PEPD: variants seen among roughly 807,000 people sequenced by gnomAD.
The protein encoded by PEPD is peptidase D.
In PEPD, 53 loss-of-function variants were observed where a neutral mutation model predicts 60.7. The observed-to-expected ratio is 0.87, with a 90% confidence interval of 0.70 to 1.10. The LOEUF (loss-of-function observed/expected upper bound fraction) is 1.10, where lower values mean the gene tolerates loss of function less well. PEPD is among the 50% of genes least tolerant of loss of function. PEPD has a pLI of 0.00. For missense variants in PEPD, 711 were observed against 711.9 expected (o/e 1.00, Z 0.01); for synonymous variants, 267 against 284.1 (o/e 0.94, Z 0.60).
rs1240349097 is a variant in PEPD, at chr19:33,521,736, G to C, written c.17+8C>G. ...AGCGGGAAAGAGCGAGGGAGGCGCA[G>C]CACTCACCCGGTGGCCGCCGCCATG... On this transcript the variant is annotated splice_region_variant and intron_variant, in intron 1 of 14. Coordinates refer to ENST00000244137, the MANE Select transcript of PEPD (RefSeq NM_000285.4). 6.3e-7 allele frequency: 1 copy of C among 1,579,814 alleles called. No homozygotes were observed. Among genetic ancestry groups the C allele is most frequent in the South Asian group, 1.2e-5 (1 of 86,944 alleles).
intron 12 of PEPD, 87 bp from the exon 13 acceptor site, chr19:33,391,566 A>G (rs1051958697): frequency 9.6e-5 from 120 of 1,246,840 alleles, no homozygotes; most frequent in Non-Finnish European, 1.3e-4. Context: ...AAGCCCTCAC[A>G]CTGGCTGTGG....
chr19:33,397,899 A>G (rs1568449337), intron 12 of PEPD, among the ~76,000 whole-genome samples: 1 of 152,148 alleles, frequency 6.6e-6, no homozygotes, highest in African/African-American at 2.4e-5. Flanking sequence ...ACTTGCCCCG[A>G]GGTCTGGCCA....
chr19:33,520,416 A>G (rs1971109448), intron 1 of PEPD, among the ~76,000 whole-genome samples: 1 of 152,168 alleles, frequency 6.6e-6, no homozygotes, highest in Admixed American at 6.5e-5. Flanking sequence ...ACTAGCACAA[A>G]AGTCACCCAG....
intron 9 of PEPD, among the ~76,000 whole-genome samples, chr19:33,428,787 A>C (rs1428811943): frequency 6.6e-6 from 1 of 152,258 alleles, no homozygotes; most frequent in Non-Finnish European, 1.5e-5. Context: ...GGCTGGCCAC[A>C]GTGATGAGCA....
chr19:33,494,643 G>A (rs1197928110), intron 4 of PEPD, among the ~76,000 whole-genome samples: 4 of 152,192 alleles, frequency 2.6e-5, no homozygotes, highest in Admixed American at 6.5e-5. Context: ...GACAGTAAAC[G>A]TCCAGTAGGT....
At chr19:33,387,805 C>T in intron 14 of PEPD, 85 bp downstream of exon 14, 4 of 1,147,344 alleles carry the variant, frequency 3.5e-6, no homozygotes, top group Non-Finnish European at 5.1e-6. Context: ...GTCACTAGGG[C>T]CCCTGTCTTG....
chr19:33,510,744 C>G (rs894649989), intron 3 of PEPD, among the ~76,000 whole-genome samples: 1 of 152,156 alleles, frequency 6.6e-6, no homozygotes, highest in African/African-American at 2.4e-5. Flanking sequence ...TGGGGCTTTA[C>G]CAGAAAACTT....
In PEPD at chr19:33,495,176, C is replaced by T. The variant is rs149901995; in HGVS notation, c.394-1839G>A. ...TCTAATAATTAGCAATTATAAATAA[C>T]GCTGTGATGAACATCCTCGCATACA... On this transcript the variant is annotated intron_variant, in intron 4 of 14. Transcript: ENST00000244137. Among the ~76,000 whole-genome samples, 250 of 152,050 alleles carry T rather than the reference C, an allele frequency of 1.6e-3. 1 individual carries two copies. Among genetic ancestry groups the T allele is most frequent in the Non-Finnish European group, 1.5e-3 (102 of 67,992 alleles).
At chr19:33,458,556 TGTGTGTGGTATGTGGAACGAGTGTG>T (rs1231071012) in intron 9 of PEPD, among the ~76,000 whole-genome samples, 1 of 57,212 alleles carries the variant, frequency 1.7e-5, no homozygotes, top group African/African-American at 9.8e-5. Flanking sequence ...GTGTGGGGTG[TGTGTGTGGTATGTGGAACGAGTGTG>T]GTGTGTGTGT....
chr19:33,520,263 C>T (rs1971106697), intron 1 of PEPD, among the ~76,000 whole-genome samples: 1 of 152,082 alleles, frequency 6.6e-6, no homozygotes, highest in Non-Finnish European at 1.5e-5. Context: ...GACAGCACAC[C>T]CACAGCTGGG....
intron 9 of PEPD, among the ~76,000 whole-genome samples, chr19:33,457,785 C>T (rs754334054): frequency 4.6e-5 from 7 of 152,252 alleles, no homozygotes; most frequent in Admixed American, 1.3e-4. Context: ...GCTGGAATTA[C>T]AGGCATGAGC....
chr19:33,486,036 A>T (rs1970391830), intron 6 of PEPD, among the ~76,000 whole-genome samples: 1 of 151,828 alleles, frequency 6.6e-6, no homozygotes, highest in Admixed American at 6.6e-5. Context: ...CAATCCCCCA[A>T]CAGACCATCT....
chr19:33,439,169 G>A (rs1969436663), intron 9 of PEPD, among the ~76,000 whole-genome samples: 1 of 152,230 alleles, frequency 6.6e-6, no homozygotes. Context: ...TGCTTCCCCT[G>A]AGGAGGGAAA....
chr19:33,387,364 G>C lies in PEPD; in HGVS notation c.1462C>G (p.Pro488Ala). 6.2e-7 allele frequency: 1 copy of C among 1,614,022 alleles called. No homozygotes were observed. Among genetic ancestry groups the C allele is most frequent in the Non-Finnish European group, 8.5e-7 (1 of 1,180,038 alleles). Reference sequence around the variant, plus strand: ...TGGCTCTACTTGGGGCCAGAGAAGGGGGTAAAGGCCTTGTCACAGCCTGCC... The same window carrying C: ...TGGCTCTACTTGGGGCCAGAGAAGGCGGTAAAGGCCTTGTCACAGCCTGCC... Reference protein sequence around the residue: ...CMAGCDKAFTPFSGPK With the variant: ...CMAGCDKAFTAFSGPK The change falls in exon 15 of 15, where the codon CCC (proline) becomes GCC (alanine). Residue 488 changes from proline (P) to alanine (A), a missense_variant. Transcript: ENST00000244137.
intron 7 of PEPD, among the ~76,000 whole-genome samples, chr19:33,475,728 A>G (rs1031428006): frequency 1.3e-5 from 2 of 152,208 alleles, no homozygotes; most frequent in Non-Finnish European, 2.9e-5. Flanking sequence ...GTGAGGCAGT[A>G]TAAGTGGACA....
At chr19:33,467,992 C>T (rs1464941512) in intron 7 of PEPD, among the ~76,000 whole-genome samples, 2 of 152,062 alleles carry the variant, frequency 1.3e-5, no homozygotes, top group African/African-American at 4.8e-5. Flanking sequence ...GGATACAGCG[C>T]GAGTAAACAC....
chr19:33,475,672 T>C (rs1351384576), intron 7 of PEPD, among the ~76,000 whole-genome samples: 1 of 152,056 alleles, frequency 6.6e-6, no homozygotes, highest in African/African-American at 2.4e-5. Flanking sequence ...CCAGCCATGG[T>C]CTCCAAGGCA....
intron 8 of PEPD, 84 bp downstream of exon 8, chr19:33,463,903 T>C: frequency 1.1e-6 from 1 of 894,780 alleles, no homozygotes; most frequent in Non-Finnish European, 1.8e-6. Context: ...AGAGCCCACC[T>C]GGAAACCCTT....
At position 33,387,103 on chromosome 19, in the gene PEPD, T is replaced by G; in HGVS notation, c.*241A>C. 1 of 562,190 alleles carries G rather than the reference T, an allele frequency of 1.8e-6. No individual in the cohort carries two copies. Among genetic ancestry groups the G allele is most frequent in the South Asian group, 2.3e-5 (1 of 43,058 alleles). 34.8% of individuals were successfully genotyped at this position (562,190 alleles called of 1,614,324 possible). ...AAAGAACAGCATTATTTTCAATCATTTTAAGTCGCTCATTTAATAAGCAAG... is the reference window on the plus strand; with the variant it reads ...AAAGAACAGCATTATTTTCAATCATGTTAAGTCGCTCATTTAATAAGCAAG... On this transcript the variant is annotated 3_prime_UTR_variant, in exon 15 of 15. Transcript: ENST00000244137.
Sources: gnomAD v4.1 joint callset for allele counts (sites outside exome capture counted in the v4.1 genomes callset) on GRCh38, gnomAD v4.1.1 for gene constraint, MANE v1.5 for transcripts, NCBI Gene and HGNC (gene_info 2026-07-23, HGNC 2026-07-21) for gene names.